Variants in ABLIM2 observed in about 807,000 individuals in gnomAD.
ABLIM2 encodes actin binding LIM protein family member 2.
Under a neutral mutation model 97.7 loss-of-function variants are expected in ABLIM2, and 53 were observed. The ratio of observed to expected loss-of-function variants is 0.54; its 90% confidence interval spans 0.44 to 0.68. ABLIM2 has a LOEUF of 0.68. Among genes scored for constraint, ABLIM2 ranks in the 30% least tolerant of loss-of-function variants. The pLI is 0.00. For missense variants in ABLIM2, 835 were observed against 867.2 expected, an observed-to-expected ratio of 0.96 and a Z score of 0.47; for synonymous variants, 361 against 345.8, an observed-to-expected ratio of 1.04 and a Z score of -0.49.
Position 7,991,990 on chromosome 4 carries a change from G to A in ABLIM2, c.1680+876C>T, listed in dbSNP as rs987504397. ...AGGGGGCCAGTTTTTTAGTGGCCTC[G>A]GTTGAGAGGTGAATTGCCTCTATTT... On this transcript the variant is annotated intron_variant, in intron 17 of 20. Coordinates refer to ENST00000447017, the MANE Select transcript of ABLIM2 (RefSeq NM_001130083.2). 3.9e-5 allele frequency among the ~76,000 whole-genome samples: 6 copies of A among 152,152 alleles called. No individual in the cohort carries two copies. In the East Asian group the frequency reaches 5.8e-4, roughly 15 times the overall value.
intron 20 of ABLIM2, among the ~76,000 whole-genome samples, chr4:7,969,110 T>C (rs1483083880): frequency 1.3e-5 from 2 of 151,546 alleles, no homozygotes; most frequent in African/African-American, 4.9e-5. Flanking sequence ...CCAGCCTGGG[T>C]GACAGAGTAA....
Position 8,125,468 on chromosome 4 carries a change from G to A in ABLIM2, c.11-18831C>T, listed in dbSNP as rs890349782. On this transcript the variant is annotated intron_variant, in intron 1 of 20. Transcript: ENST00000447017. The surrounding 1 kb of genome is among the most constrained non-coding windows in gnomAD (Gnocchi z 6.2). ...ATCGCGATCTGCAGTGCTGATGGCC[G>A]CAGGTTTGCCTGGGGCCTTGGTGCC... 1.1e-4 allele frequency among the ~76,000 whole-genome samples: 16 copies of A among 152,262 alleles called. No homozygotes were observed. The highest frequency in any genetic ancestry group is 3.3e-4 in the Admixed American group (5 of 15,308).
At chr4:8,097,855 A>C (rs1832536190) in intron 2 of ABLIM2, among the ~76,000 whole-genome samples, 1 of 150,726 alleles carries the variant, frequency 6.6e-6, no homozygotes, top group Non-Finnish European at 1.5e-5. Context: ...GTCTCCCCAC[A>C]GTGTGAACAA....
chr4:8,111,214 T>G (rs575202084), intron 1 of ABLIM2, among the ~76,000 whole-genome samples: 1 of 152,340 alleles, frequency 6.6e-6, no homozygotes, highest in Admixed American at 6.5e-5. Context: ...GGACCCTCAA[T>G]GAATACTGCT....
At chr4:7,969,742 C>CACACACACACACACACACACAT (rs1553873892) in intron 20 of ABLIM2, among the ~76,000 whole-genome samples, 2 of 151,144 alleles carry the variant, frequency 1.3e-5, no homozygotes, top group African/African-American at 4.9e-5. Flanking sequence ...CACACACACA[C>CACACACACACACACACACACAT]ACACACACAC....
Position 7,992,945 on chromosome 4 carries a change from C to T in ABLIM2, c.1619-18G>A, listed in dbSNP as rs777576520. 1.2e-6 allele frequency: 2 copies of T among 1,611,070 alleles called. No individual in the cohort carries two copies. The highest frequency in any genetic ancestry group is 1.1e-5 in the South Asian group (1 of 90,510). On this transcript the variant is annotated intron_variant, in intron 16 of 20. Coordinates refer to ENST00000447017, the MANE Select transcript of ABLIM2 (RefSeq NM_001130083.2). This position sits in a 1 kb window ranked among gnomAD's most constrained non-coding sequence, Gnocchi z 5.7. The stretch of plus-strand genomic sequence containing the variant: ...GGGGAATCCTGAAACAGACACAGCA[C>T]AGCTTTGTCACGCGCGCAGACTCGG...
intron 20 of ABLIM2, among the ~76,000 whole-genome samples, chr4:7,973,362 G>A (rs1241255157): frequency 6.6e-6 from 1 of 151,486 alleles, no homozygotes; most frequent in African/African-American, 2.4e-5. Flanking sequence ...TTAACCAGGC[G>A]TGGTGGTACA....
intron 1 of ABLIM2, among the ~76,000 whole-genome samples, chr4:8,157,269 C>A (rs1715668829): frequency 6.6e-6 from 1 of 152,138 alleles, no homozygotes; most frequent in Non-Finnish European, 1.5e-5. Context: ...CAGGGGGGAC[C>A]ACAGGTATCA....
At chr4:8,000,187 A>G (rs1276877756) in intron 16 of ABLIM2, among the ~76,000 whole-genome samples, 2 of 152,084 alleles carry the variant, frequency 1.3e-5, no homozygotes, top group Non-Finnish European at 2.9e-5. Context: ...GGTGAATGAG[A>G]GGCCCCTTGG....
intron 2 of ABLIM2, among the ~76,000 whole-genome samples, chr4:8,104,588 G>A (rs1836274439): frequency 6.6e-6 from 1 of 152,164 alleles, no homozygotes; most frequent in South Asian, 2.1e-4. Context: ...GTCGGGGCTG[G>A]GGTCTGCCTT....
chr4:8,049,107 G>A (rs1000882607), intron 8 of ABLIM2, among the ~76,000 whole-genome samples: 1 of 152,064 alleles, frequency 6.6e-6, no homozygotes. Flanking sequence ...CGGCGCCTCT[G>A]AGCATCCTGC....
intron 10 of ABLIM2, among the ~76,000 whole-genome samples, chr4:8,031,700 T>C (rs947562653): frequency 1.3e-5 from 2 of 151,704 alleles, no homozygotes; most frequent in African/African-American, 4.8e-5. Flanking sequence ...CCTCTGGGTG[T>C]CGTGGTGGGG....
At chr4:8,062,013 C>A (rs749932938) in intron 6 of ABLIM2, among the ~76,000 whole-genome samples, 1 of 152,170 alleles carries the variant, frequency 6.6e-6, no homozygotes, top group African/African-American at 2.4e-5. Context: ...CCTCTGCCAA[C>A]CTCCGGGCCA....
rs1051047542 is a variant in ABLIM2, at chr4:8,044,303, T to G, written c.900+861A>C. On this transcript the variant is annotated intron_variant, in intron 9 of 20. Coordinates refer to ENST00000447017, the MANE Select transcript of ABLIM2 (RefSeq NM_001130083.2). The surrounding 1 kb of genome is among the most constrained non-coding windows in gnomAD (Gnocchi z 4.4). ...GCTGGGTTCTGGTGCAGGGGCAGCC[T>G]ACATGGCAGTCCCGGGTGACCCCTG... 2.6e-4 allele frequency among the ~76,000 whole-genome samples: 40 copies of G among 151,922 alleles called. No homozygotes were observed. Among genetic ancestry groups the G allele is most frequent in the African/African-American group, 9.4e-4 (39 of 41,418 alleles).
chr4:8,102,562 C>T (rs1422377354), intron 2 of ABLIM2, among the ~76,000 whole-genome samples: 1 of 152,148 alleles, frequency 6.6e-6, no homozygotes, highest in Non-Finnish European at 1.5e-5. Context: ...ATGACTTTTA[C>T]TTAGAAAAAC....
At chr4:8,049,854 A>T (rs937995088) in intron 8 of ABLIM2, among the ~76,000 whole-genome samples, 1 of 152,128 alleles carries the variant, frequency 6.6e-6, no homozygotes, top group Non-Finnish European at 1.5e-5. Flanking sequence ...CAGCCACCTG[A>T]ATAGATGAGA....
intron 10 of ABLIM2, among the ~76,000 whole-genome samples, chr4:8,031,650 C>T: frequency 6.6e-6 from 1 of 152,136 alleles, no homozygotes; most frequent in Admixed American, 6.6e-5. Context: ...CCCTGTGCCT[C>T]AGTTTCTCTG....
chr4:8,131,664 CCCGCA>C (rs1303935215), intron 1 of ABLIM2, among the ~76,000 whole-genome samples: 2,766 of 128,290 alleles, frequency 0.022, 234 homozygotes, highest in African/African-American at 0.074. Context: ...AGCACAGCAT[CCCGCA>C]TCCCTGAGCA....
intron 1 of ABLIM2, among the ~76,000 whole-genome samples, chr4:8,138,229 A>T (rs143937043): frequency 1.3e-5 from 2 of 152,258 alleles, no homozygotes; most frequent in East Asian, 3.9e-4. Flanking sequence ...GGTTCTATGG[A>T]TAGACAGTGA....
Sources: gnomAD v4.1 joint callset for allele counts (sites outside exome capture counted in the v4.1 genomes callset) on GRCh38, gnomAD v4.1.1 for gene constraint, Gnocchi (gnomAD v3.1) non-coding constraint, MANE v1.5 for transcripts, NCBI Gene and HGNC (gene_info 2026-07-23, HGNC 2026-07-21) for gene names.